Variants in LAMTOR3 observed in about 807,000 individuals in gnomAD.
LAMTOR3 encodes ragulator complex protein LAMTOR3.
A neutral mutation model predicts 20.3 loss-of-function variants in LAMTOR3; 14 were observed. That is an observed-to-expected ratio of 0.69 (90% CI 0.46 to 1.08). LAMTOR3 has a LOEUF of 1.08. Ranked by LOEUF, LAMTOR3 falls within the 50% of genes least tolerant of loss-of-function variation. The pLI is 0.00. For missense variants in LAMTOR3, 125 were observed against 143.7 expected, an observed-to-expected ratio of 0.87 and a Z score of 0.67; for synonymous variants, 40 against 49.4, an observed-to-expected ratio of 0.81 and a Z score of 0.80.
At chr4:99,884,911 G>C (rs1724893851) in intron 5 of LAMTOR3, among the ~76,000 whole-genome samples, 1 of 151,880 alleles carries the variant, frequency 6.6e-6, no homozygotes. Flanking sequence ...GCTGCAGTGA[G>C]CTGAGATCAT....
rs191815535 is a variant in LAMTOR3, at chr4:99,878,469, G to A, written c.*3525C>T. 1.6e-4 allele frequency: 25 copies of A among 152,254 alleles called. No homozygotes were observed. Among genetic ancestry groups the A allele is most frequent in the African/African-American group, 5.8e-4 (24 of 41,554 alleles). The allele number at this position is 152,254 out of a possible 1,614,324, so 9.4% of individuals were successfully genotyped here. On this transcript the variant is annotated 3_prime_UTR_variant, in exon 7 of 7. Coordinates refer to ENST00000499666, the MANE Select transcript of LAMTOR3 (RefSeq NM_021970.4). The stretch of plus-strand genomic sequence containing the variant: ...CTCAAAGTACAATGAAGTTTACAAT[G>A]AAAAGGCTCACTCCTGGGATCCTTA...
rs1724831814 is a variant in LAMTOR3, at chr4:99,881,785, T to C, written c.*209A>G. ...GAACCATTTCTGTGGTATCCCTAGA[T>C]CTCACTAAATAAGAAAGACCCTACA... On this transcript the variant is annotated 3_prime_UTR_variant, in exon 7 of 7. Transcript: ENST00000499666. 1 of 528,168 alleles carries C rather than the reference T, an allele frequency of 1.9e-6. No individual in the cohort carries two copies. The highest frequency in any genetic ancestry group is 2.3e-5 in the South Asian group (1 of 44,218). 32.7% of individuals were successfully genotyped at this position (528,168 alleles called of 1,614,324 possible). A position where few individuals can be genotyped will look rare whatever the true frequency, so the allele number is the denominator to read the frequency against.
intron 3 of LAMTOR3, 76 bp downstream of exon 3, chr4:99,891,924 A>G (rs1560722171): frequency 1.3e-5 from 20 of 1,519,510 alleles, no homozygotes; most frequent in Non-Finnish European, 1.6e-5. Context: ...CAACATGGAA[A>G]ATACAGACAA....
At chr4:99,885,353 AT>A (rs1292636438) in intron 5 of LAMTOR3, among the ~76,000 whole-genome samples, 188 bp downstream of exon 5, 9 of 152,180 alleles carry the variant, frequency 5.9e-5, no homozygotes, top group African/African-American at 1.9e-4. Context: ...TTCCATAGTA[AT>A]TATTTCCTGG....
intron 2 of LAMTOR3, among the ~76,000 whole-genome samples, chr4:99,892,929 C>T (rs559591369): frequency 6.6e-6 from 1 of 152,350 alleles, no homozygotes; most frequent in East Asian, 1.9e-4. Context: ...ATCCACCCGC[C>T]TTGGCCTCCC....
intron 5 of LAMTOR3, 27 bp downstream of exon 5, chr4:99,885,514 GC>G (rs745903196): frequency 1.9e-6 from 3 of 1,556,490 alleles, no homozygotes; most frequent in Non-Finnish European, 2.6e-6. Context: ...ACTGAAATCA[GC>G]AAATCATTTT....
In LAMTOR3 at chr4:99,894,254, G is replaced by C. The variant is rs375871548; in HGVS notation, c.-38+81C>G. ...CTAGGCCCAAAGAAAAGAAGAGAGG[G>C]TCCTCTCCTTCTGTTTAATCTCACC... On this transcript the variant is annotated intron_variant, in intron 1 of 6. Transcript: ENST00000499666. 43 of 363,052 alleles carry C rather than the reference G, an allele frequency of 1.2e-4. No individual in the cohort carries two copies. The East Asian group carries it at 1.6e-3, about 14-fold the overall frequency. The allele number at this position is 363,052 out of a possible 1,614,324, so 22.5% of individuals were successfully genotyped here.
Position 99,879,363 on chromosome 4 carries a change from C to T in LAMTOR3, c.*2631G>A, listed in dbSNP as rs899196143. The T allele has an allele frequency of 3.3e-5, 5 of 152,126 alleles. No individual in the cohort carries two copies. The highest frequency in any genetic ancestry group is 1.2e-4 in the African/African-American group (5 of 41,412). The allele number at this position is 152,126 out of a possible 1,614,324, so 9.4% of individuals were successfully genotyped here. ...ACTATGGGATAGTTTATCTATTATA[C>T]CCCCTCAGAAATTTTAACAGTGGCA... On this transcript the variant is annotated 3_prime_UTR_variant, in exon 7 of 7. Coordinates refer to ENST00000499666, the MANE Select transcript of LAMTOR3 (RefSeq NM_021970.4).
chr4:99,889,439 AG>A (rs1724984749), intron 3 of LAMTOR3, among the ~76,000 whole-genome samples: 1 of 152,210 alleles, frequency 6.6e-6, no homozygotes, highest in African/African-American at 2.4e-5. Context: ...GCCATGAGAA[AG>A]AGGAAGTTCT....
In LAMTOR3 at chr4:99,882,181, T is replaced by G; in HGVS notation, c.302-114A>C. 4.6e-6 allele frequency: 3 copies of G among 649,188 alleles called. No homozygotes were observed. The South Asian group carries it at 5.7e-5, about 12-fold the overall frequency. 40.2% of individuals were successfully genotyped at this position (649,188 alleles called of 1,614,324 possible). A position where few individuals can be genotyped will look rare whatever the true frequency, so the allele number is the denominator to read the frequency against. On this transcript the variant is annotated intron_variant, in intron 6 of 6. Transcript: ENST00000499666. Reference sequence around the variant, plus strand: ...TTACCAAAAGTAAATCAGAACATAGTTTATTTCCCATGACTGAAACAAAAT... The same window carrying G: ...TTACCAAAAGTAAATCAGAACATAGGTTATTTCCCATGACTGAAACAAAAT...
intron 6 of LAMTOR3, among the ~76,000 whole-genome samples, chr4:99,882,996 C>A (rs1301624312): frequency 6.6e-6 from 1 of 151,966 alleles, no homozygotes; most frequent in Non-Finnish European, 1.5e-5. Context: ...AGCATCTGAA[C>A]TCTCAAGGAA....
chr4:99,885,746 T>TC, intron 4 of LAMTOR3, 71 bp from the exon 5 acceptor site: 1 of 1,276,806 alleles, frequency 7.8e-7, no homozygotes, highest in Non-Finnish European at 1.1e-6. Context: ...CCCTTTTTTT[T>TC]CATAAACCTC....
intron 2 of LAMTOR3, among the ~76,000 whole-genome samples, chr4:99,893,224 G>A (rs974810663): frequency 6.6e-6 from 1 of 151,990 alleles, no homozygotes; most frequent in Non-Finnish European, 1.5e-5. Context: ...ATGTTGCCCA[G>A]GCTGATCTTG....
chr4:99,891,097 GC>G (rs1327921814), intron 3 of LAMTOR3, among the ~76,000 whole-genome samples: 3 of 152,124 alleles, frequency 2.0e-5, no homozygotes, highest in African/African-American at 7.2e-5. Context: ...ATGCAATTTT[GC>G]TGTTTCTTCA....
rs1724805288 is a variant in LAMTOR3 at position 99,880,534 on chromosome 4, AG to A, written c.*1459del. 6.6e-6 allele frequency: 1 copy of A among 152,206 alleles called. No individual in the cohort carries two copies. Among genetic ancestry groups the A allele is most frequent in the Non-Finnish European group, 1.5e-5 (1 of 68,098 alleles). 9.4% of individuals were successfully genotyped at this position (152,206 alleles called of 1,614,324 possible). On this transcript the variant is annotated 3_prime_UTR_variant, in exon 7 of 7. Coordinates refer to ENST00000499666, the MANE Select transcript of LAMTOR3 (RefSeq NM_021970.4). ...CTTGAACCCAGGAGGCAGAGGTTAC[AG>A]TGAGGCAAGATCATGCCACCACTGC... is the stretch of plus-strand genomic sequence containing the variant.
chr4:99,890,271 T>G (rs1294176103), intron 3 of LAMTOR3, among the ~76,000 whole-genome samples: 2 of 152,228 alleles, frequency 1.3e-5, no homozygotes, highest in Non-Finnish European at 2.9e-5. Context: ...AAAGTGGGAT[T>G]ATTAAAGCCT....
At chr4:99,893,713 A>G (rs1725068042) in intron 2 of LAMTOR3, among the ~76,000 whole-genome samples, 1 of 152,086 alleles carries the variant, frequency 6.6e-6, no homozygotes, top group South Asian at 2.1e-4. Context: ...GGGAGAACCT[A>G]ATTTTCTCAG....
At chr4:99,893,190 C>A (rs1025308838) in intron 2 of LAMTOR3, among the ~76,000 whole-genome samples, 3 of 151,874 alleles carry the variant, frequency 2.0e-5, no homozygotes, top group Non-Finnish European at 2.9e-5. Flanking sequence ...TTTTAAATTT[C>A]TTTTTGTAGA....
In LAMTOR3 at chr4:99,880,222, C is replaced by CT. The variant is rs1298381518; in HGVS notation, c.*1771dup. ...CTATACCTGCTTCCTTTACTGAACT[C>CT]TAAGTTCTTTAAAGTAAGGTATCAC... On this transcript the variant is annotated 3_prime_UTR_variant, in exon 7 of 7. Coordinates refer to ENST00000499666, the MANE Select transcript of LAMTOR3 (RefSeq NM_021970.4). The CT allele has an allele frequency of 2.0e-5, 3 of 152,072 alleles. No homozygotes were observed. The highest frequency in any genetic ancestry group is 2.9e-5 in the Non-Finnish European group (2 of 68,014). The allele number at this position is 152,072 out of a possible 1,614,324, so 9.4% of individuals were successfully genotyped here. A position where few individuals can be genotyped will look rare whatever the true frequency, so the allele number is the denominator to read the frequency against.
Sources: gnomAD v4.1 joint callset for allele counts (sites outside exome capture counted in the v4.1 genomes callset) on GRCh38, gnomAD v4.1.1 for gene constraint, MANE v1.5 for transcripts, NCBI Gene and HGNC (gene_info 2026-07-23, HGNC 2026-07-21) for gene names.